AZIN1: variants seen among roughly 807,000 people sequenced by gnomAD.
The protein encoded by AZIN1 is ornithine decarboxylase antizyme inhibitor.
In AZIN1, 12 loss-of-function variants were observed where a neutral mutation model predicts 47.4. That is an observed-to-expected ratio of 0.25 (90% confidence interval 0.16 to 0.41). The LOEUF (loss-of-function observed/expected upper bound fraction) is 0.41, where lower values mean the gene tolerates loss of function less well. Among genes scored for constraint, AZIN1 ranks in the 10% least tolerant of loss-of-function variants. AZIN1 has a pLI of 1.00. For missense variants in AZIN1, 410 were observed against 532.4 expected, an observed-to-expected ratio of 0.77 and a Z score of 2.26; for synonymous variants, 155 against 176.3, an observed-to-expected ratio of 0.88 and a Z score of 0.96.
At chr8:102,851,522 A>G (rs1460317645) in intron 2 of AZIN1, among the ~76,000 whole-genome samples, 1 of 152,198 alleles carries the variant, frequency 6.6e-6, no homozygotes, top group African/African-American at 2.4e-5. Context: ...CCTGGCCAAG[A>G]TGGTGAAACC....
Position 102,828,421 on chromosome 8 carries a change from G to C in AZIN1, c.*146C>G. ...TGAATTATAGATGAAAGCTGATTTT[G>C]TCTGGTCCCAAATAGCTATTACTAA... is the stretch of plus-strand genomic sequence containing the variant. On this transcript the variant is annotated 3_prime_UTR_variant, in exon 12 of 12. Coordinates refer to ENST00000337198, the MANE Select transcript of AZIN1 (RefSeq NM_148174.4). 3.9e-6 allele frequency: 2 copies of C among 515,214 alleles called. No homozygotes were observed. 31.9% of individuals were successfully genotyped at this position (515,214 alleles called of 1,614,324 possible).
At position 102,834,682 on chromosome 8, in the gene AZIN1, C is replaced by T; in HGVS notation, c.650G>A (p.Cys217Tyr). Reference sequence around the variant, plus strand: ...AGAACTTACAGCCATGTCAAACACACATCGAGCATCAGATAGAGCATGTAC... The same window carrying T: ...AGAACTTACAGCCATGTCAAACACATATCGAGCATCAGATAGAGCATGTAC... ...VYVHALSDAR[C>Y]VFDMAGEIGF... is the part of the protein sequence containing the mutation. The change falls in exon 7 of 12, where the codon TGT (cysteine) becomes TAT (tyrosine). Residue 217 changes from cysteine (C) to tyrosine (Y), a missense_variant. Cys to Tyr is a radical substitution (Grantham distance 194). Transcript: ENST00000337198. The T allele has an allele frequency of 1.2e-6, 2 of 1,608,486 alleles. No homozygotes were observed. The highest frequency in any genetic ancestry group is 1.7e-6 in the Non-Finnish European group (2 of 1,176,864).
At position 102,843,409 on chromosome 8, in the gene AZIN1, G is replaced by A. The variant is rs2304345; in HGVS notation, c.102+142C>T. 2,834 of 639,552 alleles carry A rather than the reference G, an allele frequency of 4.4e-3. 88 individuals are homozygous for A. The East Asian group carries it at 0.074, about 17-fold the overall frequency. 39.6% of individuals were successfully genotyped at this position (639,552 alleles called of 1,614,324 possible). A position where few individuals can be genotyped will look rare whatever the true frequency, so the allele number is the denominator to read the frequency against. On this transcript the variant is annotated intron_variant, in intron 3 of 11. Coordinates refer to ENST00000337198, the MANE Select transcript of AZIN1 (RefSeq NM_148174.4). ...AAATGGATCACTACTCAAGGGGAGT[G>A]GGTGTGGGGGAGGAAGGTCAAGTTA...
At chr8:102,863,280 C>A (rs1385095496) in intron 1 of AZIN1, among the ~76,000 whole-genome samples, 1 of 152,118 alleles carries the variant, frequency 6.6e-6, no homozygotes, top group African/African-American at 2.4e-5. Flanking sequence ...CGGCGCGGGG[C>A]CCGCCCCGCT....
intron 3 of AZIN1, among the ~76,000 whole-genome samples, chr8:102,842,307 C>G (rs530995371): frequency 6.6e-6 from 1 of 152,192 alleles, no homozygotes; most frequent in Non-Finnish European, 1.5e-5. Context: ...CAGTGGCTCA[C>G]GCCTGTTAAT....
At chr8:102,847,959 G>A (rs959128276) in intron 2 of AZIN1, among the ~76,000 whole-genome samples, 1 of 152,118 alleles carries the variant, frequency 6.6e-6, no homozygotes, top group African/African-American at 2.4e-5. Context: ...ATAGTCATGC[G>A]TTGCATAACA....
intron 2 of AZIN1, among the ~76,000 whole-genome samples, chr8:102,853,305 C>A (rs955255203): frequency 3.3e-5 from 5 of 152,228 alleles, no homozygotes; most frequent in Non-Finnish European, 7.3e-5. Context: ...GAGTTCGAGA[C>A]AAGTCTGACC....
intron 9 of AZIN1, among the ~76,000 whole-genome samples, chr8:102,831,641 C>CAAAAAA (rs35860063): frequency 1.2e-5 from 1 of 83,838 alleles, no homozygotes; most frequent in Non-Finnish European, 2.3e-5. Flanking sequence ...AAAACAGTCT[C>CAAAAAA]AAAAAAAAAA....
chr8:102,844,473 T>G (rs1812431581), intron 2 of AZIN1, among the ~76,000 whole-genome samples: 1 of 152,170 alleles, frequency 6.6e-6, no homozygotes, highest in Non-Finnish European at 1.5e-5. Flanking sequence ...AAAATAGTAC[T>G]AGCTGTATCA....
intron 2 of AZIN1, chr8:102,855,805 A>T (rs1441532963): frequency 6.6e-6 from 1 of 152,238 alleles, no homozygotes; most frequent in African/African-American, 2.4e-5. Flanking sequence ...ATTGATTTGT[A>T]AGGATAACAC....
In AZIN1 at chr8:102,837,298, T is replaced by C. The variant is rs551197902; in HGVS notation, c.450-908A>G. Among the ~76,000 whole-genome samples, 8 of 152,356 alleles carry C rather than the reference T, an allele frequency of 5.3e-5. No individual in the cohort carries two copies. In the South Asian group the frequency reaches 1.7e-3, roughly 32 times the overall value. Reference sequence around the variant, plus strand: ...TACTGATTCAAATCTATTTGGTATTTCCTTCCAAACCATGGCAACCAAGAC... The same window carrying C: ...TACTGATTCAAATCTATTTGGTATTCCCTTCCAAACCATGGCAACCAAGAC... On this transcript the variant is annotated intron_variant, in intron 5 of 11. Coordinates refer to ENST00000337198, the MANE Select transcript of AZIN1 (RefSeq NM_148174.4).
chr8:102,836,194 C>T, intron 6 of AZIN1, 62 bp downstream of exon 6: 1 of 1,508,576 alleles, frequency 6.6e-7, no homozygotes, highest in Non-Finnish European at 9.0e-7. Flanking sequence ...AATCAATAAC[C>T]AGAAAGACAG....
At chr8:102,841,400 G>A (rs563301299) in intron 3 of AZIN1, among the ~76,000 whole-genome samples, 19 of 152,214 alleles carry the variant, frequency 1.2e-4, no homozygotes, top group Non-Finnish European at 2.6e-4. Context: ...GATGTGGGAT[G>A]GAAGGAATAT....
chr8:102,836,493 T>G, intron 5 of AZIN1, 103 bp from the exon 6 acceptor site: 1 of 1,291,674 alleles, frequency 7.7e-7, no homozygotes, highest in Non-Finnish European at 1.1e-6. Flanking sequence ...TTGCCAGTGC[T>G]CCCAAATCCA....
At position 102,836,497 on chromosome 8, in the gene AZIN1, AAATCCAGCGACGGATG is replaced by A. The variant is rs932480411; in HGVS notation, c.450-123_450-108del. ...TGTTGATTATGTTGCCAGTGCTCCCAAATCCAGCGACGGATGAATCAAGTGAACCTAATGAAAAACA... is the reference window on the plus strand; with the variant it reads ...TGTTGATTATGTTGCCAGTGCTCCCAAATCAAGTGAACCTAATGAAAAACA... On this transcript the variant is annotated intron_variant, in intron 5 of 11. Transcript: ENST00000337198. 3.2e-6 allele frequency: 4 copies of A among 1,231,856 alleles called. No individual in the cohort carries two copies. In the African/African-American group the frequency reaches 6.0e-5, roughly 19 times the overall value. The allele number at this position is 1,231,856 out of a possible 1,614,324, so 76.3% of individuals were successfully genotyped here.
chr8:102,841,805 T>TTA (rs1554581317), intron 3 of AZIN1, among the ~76,000 whole-genome samples: 1 of 114,444 alleles, frequency 8.7e-6, no homozygotes, highest in African/African-American at 3.2e-5. Flanking sequence ...TATATATATA[T>TTA]AAAAAAAAAA....
Position 102,828,118 on chromosome 8 carries a change from T to G in AZIN1, c.*449A>C, listed in dbSNP as rs539726943. ...GTTCAAAGCACAAATTTACACATTCTAAATACACTAAACGTTATCTAATGA... is the reference window on the plus strand; with the variant it reads ...GTTCAAAGCACAAATTTACACATTCGAAATACACTAAACGTTATCTAATGA... On this transcript the variant is annotated 3_prime_UTR_variant, in exon 12 of 12. Transcript: ENST00000337198. 1 of 153,200 alleles carries G rather than the reference T, an allele frequency of 6.5e-6. No homozygotes were observed. The highest frequency in any genetic ancestry group is 2.1e-4 in the South Asian group (1 of 4,852). 9.5% of individuals were successfully genotyped at this position (153,200 alleles called of 1,614,324 possible). A position where few individuals can be genotyped will look rare whatever the true frequency, so the allele number is the denominator to read the frequency against.
At chr8:102,853,855 G>A (rs1243877484) in intron 2 of AZIN1, among the ~76,000 whole-genome samples, 1 of 133,438 alleles carries the variant, frequency 7.5e-6, no homozygotes, top group African/African-American at 2.7e-5. Flanking sequence ...TCATCTGTGA[G>A]AAATTAAATC....
At position 102,833,102 on chromosome 8, in the gene AZIN1, A is replaced by G. The variant is rs774564512; in HGVS notation, c.858T>C (p.Asn286=). The change falls in exon 9 of 12, where the codon AAT becomes AAC. Residue 286 remains asparagine (N), a synonymous_variant. Coordinates refer to ENST00000337198, the MANE Select transcript of AZIN1 (RefSeq NM_148174.4). ...YVSSAFTLAV[N]IIAKKVVEND... Reference sequence around the variant, plus strand: ...TTTCAACAACTTTCTTTGCTATGATATTAACTGCGAGTGTAAATGCAGAAG... The same window carrying G: ...TTTCAACAACTTTCTTTGCTATGATGTTAACTGCGAGTGTAAATGCAGAAG... 3.7e-6 allele frequency: 6 copies of G among 1,613,188 alleles called. No homozygotes were observed. The highest frequency in any genetic ancestry group is 3.4e-6 in the Non-Finnish European group (4 of 1,179,332).
Sources: gnomAD v4.1 joint callset for allele counts (sites outside exome capture counted in the v4.1 genomes callset) on GRCh38, gnomAD v4.1.1 for gene constraint, MANE v1.5 for transcripts, NCBI Gene and HGNC (gene_info 2026-07-23, HGNC 2026-07-21) for gene names.